The following DPYD variants were observed in gnomAD, a reference collection of about 807,000 sequenced individuals.
The protein encoded by DPYD is dihydropyrimidine dehydrogenase [NADP(+)].
Under a neutral mutation model 116.2 loss-of-function variants are expected in DPYD, and 109 were observed. The ratio of observed to expected loss-of-function variants is 0.94; its 90% CI spans 0.80 to 1.10. The LOEUF is 1.10. DPYD is among the 50% of genes least tolerant of loss of function. The pLI is 0.00. For synonymous variants in DPYD, 440 were observed against 432.0 expected, an observed-to-expected ratio of 1.02 and a Z score of -0.23; for missense variants, 1,302 against 1,254.5, an observed-to-expected ratio of 1.04 and a Z score of -0.57.
At chr1:97,347,364 G>C (rs903241611) in intron 16 of DPYD, among the ~76,000 whole-genome samples, 1 of 151,830 alleles carries the variant, frequency 6.6e-6, no homozygotes, top group Non-Finnish European at 1.5e-5. Flanking sequence ...CATATTTTCC[G>C]TATCTAGTGA....
At position 97,592,802 on chromosome 1, in the gene DPYD, G is replaced by A. The variant is rs1008835232; in HGVS notation, c.1128+416C>T. On this transcript the variant is annotated intron_variant, in intron 10 of 22. Coordinates refer to ENST00000370192, the MANE Select transcript of DPYD (RefSeq NM_000110.4). ...TGAACTGACTGAAAGTATGACCAAG[G>A]TATACATCTTAGAATGCAGTCTGTA... Among the ~76,000 whole-genome samples the A allele has an allele frequency of 2.7e-4, 41 of 152,186 alleles. No homozygotes were observed. The East Asian group carries it at 6.2e-3, about 23-fold the overall frequency.
intron 8 of DPYD, among the ~76,000 whole-genome samples, chr1:97,646,974 C>G (rs1253631778): frequency 1.3e-5 from 2 of 152,032 alleles, no homozygotes; most frequent in African/African-American, 4.8e-5. Flanking sequence ...CCATACCCAT[C>G]CATTTAAAGA....
At chr1:97,430,433 TA>T (rs777975990) in intron 14 of DPYD, among the ~76,000 whole-genome samples, 1 of 152,078 alleles carries the variant, frequency 6.6e-6, no homozygotes, top group Non-Finnish European at 1.5e-5. Context: ...CAGTTGCCTT[TA>T]AAAAAACAGA....
At chr1:97,212,634 G>T (rs1048998573) in intron 19 of DPYD, among the ~76,000 whole-genome samples, 11 of 152,072 alleles carry the variant, frequency 7.2e-5, no homozygotes, top group African/African-American at 2.7e-4. Flanking sequence ...AACATTATAA[G>T]AAACTGCCAA....
At chr1:97,406,284 T>C (rs1189279763) in intron 14 of DPYD, among the ~76,000 whole-genome samples, 3 of 58,206 alleles carry the variant, frequency 5.2e-5, no homozygotes, top group Admixed American at 2.1e-4. Flanking sequence ...AGCTTTTTTT[T>C]TTTTTAAAAT....
chr1:97,452,548 C>G (rs1056847130), intron 13 of DPYD, among the ~76,000 whole-genome samples: 4 of 151,952 alleles, frequency 2.6e-5, no homozygotes, highest in African/African-American at 9.7e-5. Context: ...GGATGTATAC[C>G]CCACCCAAAT....
chr1:97,563,653 C>T (rs1652322918), intron 11 of DPYD, among the ~76,000 whole-genome samples: 1 of 152,142 alleles, frequency 6.6e-6, no homozygotes, highest in South Asian at 2.1e-4. Flanking sequence ...GAGCTATTCA[C>T]TGGGGAAACA....
rs888679653 is a variant in DPYD, at chr1:97,339,403, G to GA, written c.2059-33107dup. Among the ~76,000 whole-genome samples the GA allele has an allele frequency of 2.6e-5, 4 of 152,090 alleles. No homozygotes were observed. In the East Asian group the frequency reaches 7.7e-4, roughly 29 times the overall value. Reference sequence around the variant, plus strand: ...AAAATGTCTGACCTCCAATGCTAATGAAAAAAATTCTTTCTTCTACTCAGA... The same window carrying GA: ...AAAATGTCTGACCTCCAATGCTAATGAAAAAAAATTCTTTCTTCTACTCAGA... On this transcript the variant is annotated intron_variant, in intron 16 of 22. Coordinates refer to ENST00000370192, the MANE Select transcript of DPYD (RefSeq NM_000110.4).
At chr1:97,655,914 G>T (rs1658876206) in intron 8 of DPYD, among the ~76,000 whole-genome samples, 1 of 152,066 alleles carries the variant, frequency 6.6e-6, no homozygotes, top group African/African-American at 2.4e-5. Flanking sequence ...GCATGCCTAG[G>T]AAACTAAAAA....
At chr1:97,600,944 C>T (rs1655207620) in intron 8 of DPYD, among the ~76,000 whole-genome samples, 1 of 152,088 alleles carries the variant, frequency 6.6e-6, no homozygotes, top group South Asian at 2.1e-4. Flanking sequence ...TAACTTCATT[C>T]ATTCTATAGA....
intron 5 of DPYD, chr1:97,720,789 ATAAGCTGATCATT>A: frequency 6.5e-7 from 1 of 1,537,160 alleles, no homozygotes; most frequent in East Asian, 2.4e-5. Context: ...TACCCTTCAT[ATAAGCTGATCATT>A]TAAATGATAC....
chr1:97,777,876 G>T (rs567959864), intron 3 of DPYD, among the ~76,000 whole-genome samples: 322 of 151,958 alleles, frequency 2.1e-3, no homozygotes, highest in Non-Finnish European at 3.4e-3. Context: ...ATAGAAATAG[G>T]AGCCAGGTGT....
intron 2 of DPYD, among the ~76,000 whole-genome samples, chr1:97,876,650 G>T (rs1318770813): frequency 6.6e-6 from 1 of 151,886 alleles, no homozygotes; most frequent in Non-Finnish European, 1.5e-5. Context: ...TTGTAGTTTT[G>T]CTACCATCCC....
intron 16 of DPYD, among the ~76,000 whole-genome samples, chr1:97,352,544 A>G (rs955522780): frequency 2.0e-5 from 3 of 150,770 alleles, no homozygotes; most frequent in African/African-American, 7.3e-5. Context: ...AGAGGAAAAT[A>G]TTGAACAACC....
intron 15 of DPYD, among the ~76,000 whole-genome samples, chr1:97,380,303 C>T (rs2101554044): frequency 6.6e-6 from 1 of 152,154 alleles, no homozygotes; most frequent in East Asian, 1.9e-4. Context: ...AGTAGACTAC[C>T]AAGGTTCCAG....
chr1:97,606,117 C>A (rs536271872), intron 8 of DPYD, among the ~76,000 whole-genome samples: 1 of 152,024 alleles, frequency 6.6e-6, no homozygotes, highest in South Asian at 2.1e-4. Flanking sequence ...GATCTGGAAA[C>A]CAGCTTGATG....
intron 7 of DPYD, among the ~76,000 whole-genome samples, chr1:97,683,640 C>CA (rs1456953382): frequency 6.6e-6 from 1 of 151,506 alleles, no homozygotes; most frequent in African/African-American, 2.4e-5. Flanking sequence ...AGTTGCATTA[C>CA]AAAAAAAGGT....
At chr1:97,868,114 C>T (rs2101609377) in intron 2 of DPYD, among the ~76,000 whole-genome samples, 2 of 150,492 alleles carry the variant, frequency 1.3e-5, no homozygotes, top group African/African-American at 2.4e-5. Context: ...AGAAAACAAT[C>T]CCATTTACAA....
At chr1:97,135,488 C>CA (rs1653716127) in intron 20 of DPYD, among the ~76,000 whole-genome samples, 1 of 152,146 alleles carries the variant, frequency 6.6e-6, no homozygotes, top group East Asian at 1.9e-4. Flanking sequence ...TTTTGTTTCC[C>CA]ATACAAGCAC....
Sources: gnomAD v4.1 joint callset for allele counts (sites outside exome capture counted in the v4.1 genomes callset) on GRCh38, gnomAD v4.1.1 for gene constraint, MANE v1.5 for transcripts, NCBI Gene and HGNC (gene_info 2026-07-23, HGNC 2026-07-21) for gene names.